The following PALLD variants were observed in gnomAD, a reference collection of about 807,000 sequenced individuals.
The protein encoded by PALLD is palladin, cytoskeletal associated protein.
In PALLD, 61 loss-of-function variants were observed where a neutral mutation model predicts 123.5. The ratio of observed to expected loss-of-function variants is 0.49; its 90% CI spans 0.40 to 0.61. The LOEUF is 0.61. Ranked by LOEUF, PALLD falls within the 20% of genes least tolerant of loss-of-function variation. PALLD has a pLI of 0.00. For missense variants in PALLD, 1,273 were observed against 1,377.0 expected, an observed-to-expected ratio of 0.92 and a Z score of 1.20; for synonymous variants, 465 against 496.4, an observed-to-expected ratio of 0.94 and a Z score of 0.84.
intron 17 of PALLD, among the ~76,000 whole-genome samples, chr4:168,917,788 T>G (rs1004003088): frequency 1.3e-5 from 2 of 152,158 alleles, no homozygotes; most frequent in African/African-American, 4.8e-5. Flanking sequence ...TGTGTTTCAG[T>G]CTGTATATAT....
At chr4:168,759,349 A>G (rs1369465414) in intron 10 of PALLD, among the ~76,000 whole-genome samples, 1 of 150,828 alleles carries the variant, frequency 6.6e-6, no homozygotes, top group Admixed American at 6.6e-5. Context: ...GGATTTTAAA[A>G]TGCACAGTAC....
intron 10 of PALLD, among the ~76,000 whole-genome samples, chr4:168,768,520 T>A (rs1003007316): frequency 1.3e-5 from 2 of 152,252 alleles, no homozygotes; most frequent in African/African-American, 2.4e-5. Flanking sequence ...TTCTTACATT[T>A]ATATACTACA....
rs75530850 is a variant in PALLD, at chr4:168,660,073, G to A, written c.909-8117G>A. 3.3e-3 allele frequency among the ~76,000 whole-genome samples: 509 copies of A among 152,250 alleles called. 1 individual carries two copies. Among genetic ancestry groups the A allele is most frequent in the Middle Eastern group, 6.8e-3 (2 of 294 alleles). On this transcript the variant is annotated intron_variant, in intron 2 of 21. Coordinates refer to ENST00000505667, the MANE Select transcript of PALLD (RefSeq NM_001166108.2). Reference sequence around the variant, plus strand: ...ACCCATGACCCTATCTTGGAGAATCGGAGTGTTCTGAGCATTCCCAGATGT... The same window carrying A: ...ACCCATGACCCTATCTTGGAGAATCAGAGTGTTCTGAGCATTCCCAGATGT...
In PALLD at chr4:168,690,654, C is replaced by T. The variant is rs754805635; in HGVS notation, c.1387C>T (p.Arg463Trp). 2.2e-5 allele frequency: 36 copies of T among 1,613,990 alleles called. No individual in the cohort carries two copies. The highest frequency in any genetic ancestry group is 5.5e-5 in the South Asian group (5 of 91,080). The change falls in exon 7 of 22, where the codon CGG becomes TGG. Residue 463 changes from arginine (R) to tryptophan (W), a missense_variant. Physicochemically the swap from Arg to Trp is moderately radical, Grantham distance 101. Coordinates refer to ENST00000505667, the MANE Select transcript of PALLD (RefSeq NM_001166108.2). ...AGGCCAGGTGGTGGTTCTGGAGTGC[C>T]GGGTCCGTGGGGCACCCCCTCTGCA... ...AEGQVVVLEC[R>W]VRGAPPLQVQ...
At chr4:168,759,513 A>G (rs1386786269) in intron 10 of PALLD, among the ~76,000 whole-genome samples, 1 of 151,908 alleles carries the variant, frequency 6.6e-6, no homozygotes, top group African/African-American at 2.4e-5. Context: ...CAATCTCTGT[A>G]GCATTTACCA....
At chr4:168,884,326 CTG>C (rs1753045200) in intron 10 of PALLD, among the ~76,000 whole-genome samples, 1 of 152,210 alleles carries the variant, frequency 6.6e-6, no homozygotes, top group South Asian at 2.1e-4. Context: ...TGTGAGAAAA[CTG>C]TATTCCATAC....
intron 2 of PALLD, among the ~76,000 whole-genome samples, chr4:168,646,636 A>T (rs1347035792): frequency 6.6e-6 from 1 of 152,220 alleles, no homozygotes; most frequent in Non-Finnish European, 1.5e-5. Flanking sequence ...GCCCACAGCC[A>T]CCACACAGCT....
Position 168,869,390 on chromosome 4 carries a change from G to C in PALLD, c.1965-21532G>C, listed in dbSNP as rs886348540. 2.0e-5 allele frequency among the ~76,000 whole-genome samples: 3 copies of C among 152,130 alleles called. No individual in the cohort carries two copies. Among genetic ancestry groups the C allele is most frequent in the Non-Finnish European group, 4.4e-5 (3 of 68,036 alleles). ...CCTTGTGGGCTGGAGTAGTATGGAG[G>C]AGGGAGTAAGAACTGCTAGATGTTA... On this transcript the variant is annotated intron_variant, in intron 10 of 21. Coordinates refer to ENST00000505667, the MANE Select transcript of PALLD (RefSeq NM_001166108.2). The surrounding 1 kb of genome is among the most constrained non-coding windows in gnomAD (Gnocchi z 4.5).
Position 168,794,498 on chromosome 4 carries a change from A to ACACACG in PALLD, c.1964+82580_1964+82581insGCACAC, listed in dbSNP as rs1738164548. On this transcript the variant is annotated intron_variant, in intron 10 of 21. Transcript: ENST00000505667. ...CACACGCACACACACATGCACGCAC[A>ACACACG]CACACACGCACACACACACACACAC... Among the ~76,000 whole-genome samples the ACACACG allele has an allele frequency of 4.0e-5, 5 of 123,654 alleles. No individual in the cohort carries two copies. The East Asian group carries it at 1.4e-3, about 35-fold the overall frequency. The allele number at this position is 123,654 out of a possible 152,430, so 81.1% of individuals were successfully genotyped here.
chr4:168,883,393 T>C (rs548284299), intron 10 of PALLD, among the ~76,000 whole-genome samples: 1 of 152,352 alleles, frequency 6.6e-6, no homozygotes, highest in Non-Finnish European at 1.5e-5. Context: ...TTGCTCACTC[T>C]GAAATTTTGT....
chr4:168,924,413 C>T lies in PALLD; in HGVS notation c.3217C>T (p.Arg1073Ter). The T allele has an allele frequency of 6.2e-7, 1 of 1,613,136 alleles. No individual in the cohort carries two copies. The highest frequency in any genetic ancestry group is 8.5e-7 in the Non-Finnish European group (1 of 1,179,216). The change falls in exon 19 of 22, where the codon CGA becomes TGA. Residue 1073 changes from arginine (R) to a stop codon, truncating the protein, a stop_gained. Transcript: ENST00000505667. LOFTEE classifies it high-confidence loss of function. ...ENESLTHSTD[R>*]VSMHQDNHGY... The stretch of plus-strand genomic sequence containing the variant: ...TGAATCACTCACTCACAGCACTGAC[C>T]GAGTGAGGTAAGACTGCACAATGAG...
At chr4:168,613,425 C>G (rs1773924887) in intron 2 of PALLD, among the ~76,000 whole-genome samples, 1 of 152,178 alleles carries the variant, frequency 6.6e-6, no homozygotes, top group South Asian at 2.1e-4. Flanking sequence ...ACCTACAGAC[C>G]ATCCTCAGCC....
chr4:168,701,310 C>T (rs888143739), intron 8 of PALLD, among the ~76,000 whole-genome samples: 40 of 152,220 alleles, frequency 2.6e-4, no homozygotes, highest in African/African-American at 8.9e-4. Context: ...ATGTGCGAGG[C>T]ACAGAAGGAG....
At chr4:168,605,332 T>C (rs1773061585) in intron 2 of PALLD, among the ~76,000 whole-genome samples, 1 of 152,118 alleles carries the variant, frequency 6.6e-6, no homozygotes, top group South Asian at 2.1e-4. Flanking sequence ...TCTGTATTTG[T>C]GAAAAGTTTT....
chr4:168,794,084 G>A (rs147073471), intron 10 of PALLD, among the ~76,000 whole-genome samples: 2 of 152,164 alleles, frequency 1.3e-5, no homozygotes, highest in Non-Finnish European at 2.9e-5. Context: ...CCTCAGCCTC[G>A]ACGGAACCCC....
At chr4:168,501,478 C>T (rs945304051) in intron 1 of PALLD, among the ~76,000 whole-genome samples, 1 of 152,100 alleles carries the variant, frequency 6.6e-6, no homozygotes, top group Non-Finnish European at 1.5e-5. Flanking sequence ...TGGACATTTA[C>T]CTTTGAAAGC....
chr4:168,755,098 T>G (rs1259409034), intron 10 of PALLD, among the ~76,000 whole-genome samples: 2 of 151,812 alleles, frequency 1.3e-5, no homozygotes, highest in Non-Finnish European at 1.5e-5. Context: ...CCAGGCGTGG[T>G]GGCGGGCGCC....
At chr4:168,599,835 T>G (rs1237175129) in intron 2 of PALLD, among the ~76,000 whole-genome samples, 1 of 152,206 alleles carries the variant, frequency 6.6e-6, no homozygotes, top group African/African-American at 2.4e-5. Flanking sequence ...TATGTAACCA[T>G]GAAATTTATC....
At chr4:168,768,393 C>G (rs1561501826) in intron 10 of PALLD, among the ~76,000 whole-genome samples, 1 of 152,148 alleles carries the variant, frequency 6.6e-6, no homozygotes, top group Non-Finnish European at 1.5e-5. Flanking sequence ...ACCTGGAACA[C>G]TTTGTTTTAA....
Sources: allele counts gnomAD v4.1 joint callset (sites outside exome capture counted in the v4.1 genomes callset), GRCh38; gene constraint gnomAD v4.1.1; non-coding constraint Gnocchi (gnomAD v3.1); transcripts MANE v1.5; gene names NCBI Gene and HGNC (gene_info 2026-07-23, HGNC 2026-07-21).